Variants in PARD3B observed in about 807,000 individuals in gnomAD.
The protein encoded by PARD3B is partitioning defective 3 homolog B.
A neutral mutation model predicts 130.2 loss-of-function variants in PARD3B; 103 were observed. That is an observed-to-expected ratio of 0.79 (90% CI 0.67 to 0.93). The LOEUF (loss-of-function observed/expected upper bound fraction) is 0.93, where lower values mean the gene tolerates loss of function less well. Ranked by LOEUF, PARD3B falls within the 40% of genes least tolerant of loss-of-function variation. The pLI, the probability that PARD3B is intolerant of heterozygous loss-of-function variation, is 0.00. For missense variants in PARD3B, 1,609 were observed against 1,499.2 expected, an observed-to-expected ratio of 1.07 and a Z score of -1.21; for synonymous variants, 583 against 553.2, an observed-to-expected ratio of 1.05 and a Z score of -0.76.
intron 20 of PARD3B, among the ~76,000 whole-genome samples, chr2:205,487,416 A>C (rs1574544): frequency 6.6e-6 from 1 of 151,906 alleles, no homozygotes; most frequent in Non-Finnish European, 1.5e-5. Flanking sequence ...ACTTTTCACT[A>C]TGCACTATCC....
At chr2:205,206,216 C>CTT (rs201694463) in intron 15 of PARD3B, among the ~76,000 whole-genome samples, 85 of 127,904 alleles carry the variant, frequency 6.6e-4, no homozygotes, top group African/African-American at 2.1e-3. Context: ...TTTTTTTTTT[C>CTT]TTTTTTTTTT....
rs1452992814 is a variant in PARD3B at position 204,545,908 on chromosome 2, C to T, written c.-92C>T. On this transcript the variant is annotated 5_prime_UTR_variant, in exon 1 of 23. Transcript: ENST00000406610. ...GAGCGGCGCCCCGGGTCTCTGGGCC[C>T]ACCCGCCCCGGGCGTCCTCCGAGAG... 7.2e-7 allele frequency: 1 copy of T among 1,383,858 alleles called. No individual in the cohort carries two copies. Among genetic ancestry groups the T allele is most frequent in the Non-Finnish European group, 9.4e-7 (1 of 1,061,724 alleles). 85.7% of individuals were successfully genotyped at this position (1,383,858 alleles called of 1,614,324 possible). A position where few individuals can be genotyped will look rare whatever the true frequency, so the allele number is the denominator to read the frequency against.
At chr2:204,913,938 T>C (rs993813740) in intron 2 of PARD3B, among the ~76,000 whole-genome samples, 2 of 152,240 alleles carry the variant, frequency 1.3e-5, no homozygotes, top group African/African-American at 4.8e-5. Context: ...CTGAAGGCAC[T>C]ACTGGAAAGT....
At chr2:205,151,367 A>T (rs572306448) in intron 10 of PARD3B, among the ~76,000 whole-genome samples, 1 of 152,274 alleles carries the variant, frequency 6.6e-6, no homozygotes, top group African/African-American at 2.4e-5. Flanking sequence ...CAGGGTGTTA[A>T]AGTCTCCCAT....
chr2:205,045,434 G>A (rs1698706270), intron 3 of PARD3B, among the ~76,000 whole-genome samples: 1 of 151,874 alleles, frequency 6.6e-6, no homozygotes, highest in Non-Finnish European at 1.5e-5. Context: ...TTTCAGTAGA[G>A]ACAGGGTTTC....
At chr2:205,385,440 A>G (rs1381140456) in intron 18 of PARD3B, among the ~76,000 whole-genome samples, 1 of 152,170 alleles carries the variant, frequency 6.6e-6, no homozygotes, top group Non-Finnish European at 1.5e-5. Flanking sequence ...CTGTGTCATT[A>G]TTTAGAATGG....
rs574741436 is a variant in PARD3B at position 205,529,341 on chromosome 2, T to A, written c.3181-23983T>A. Reference sequence around the variant, plus strand: ...CCAGATGATCCATCAGGATATTTTTTAAAATGTAATTTGTCGGGTGTGACA... The same window carrying A: ...CCAGATGATCCATCAGGATATTTTTAAAAATGTAATTTGTCGGGTGTGACA... On this transcript the variant is annotated intron_variant, in intron 21 of 22. Coordinates refer to ENST00000406610, the MANE Select transcript of PARD3B (RefSeq NM_001302769.2). Among the ~76,000 whole-genome samples the A allele has an allele frequency of 5.3e-5, 8 of 152,346 alleles. No individual in the cohort carries two copies. In the South Asian group the frequency reaches 1.0e-3, roughly 20 times the overall value.
intron 2 of PARD3B, among the ~76,000 whole-genome samples, chr2:204,946,443 CT>C (rs1351651999): frequency 7.5e-6 from 1 of 134,198 alleles, no homozygotes; most frequent in African/African-American, 2.7e-5. Flanking sequence ...TATATGAAGT[CT>C]TCCCTTTCTT....
chr2:204,861,940 A>G (rs1001061471), intron 2 of PARD3B, among the ~76,000 whole-genome samples: 1 of 150,956 alleles, frequency 6.6e-6, no homozygotes, highest in Non-Finnish European at 1.5e-5. Context: ...AAAAAAAAAA[A>G]AAAAAAAAAA....
chr2:204,554,209 C>T (rs889915980), intron 1 of PARD3B, among the ~76,000 whole-genome samples: 1 of 152,014 alleles, frequency 6.6e-6, no homozygotes, highest in African/African-American at 2.4e-5. Context: ...CTTAAGTCTC[C>T]ACCTGTCTCT....
At chr2:205,040,045 C>A (rs1698284651) in intron 3 of PARD3B, among the ~76,000 whole-genome samples, 1 of 152,152 alleles carries the variant, frequency 6.6e-6, no homozygotes, top group South Asian at 2.1e-4. Context: ...CTCCCTGCAA[C>A]CTCTGCCTCC....
intron 21 of PARD3B, among the ~76,000 whole-genome samples, chr2:205,533,720 GGGTTTTT>G (rs1392813181): frequency 3.3e-5 from 5 of 151,648 alleles, no homozygotes; most frequent in African/African-American, 1.2e-4. Flanking sequence ...ATGGTTTTGG[GGGTTTTT>G]TGTTTGTTTG....
intron 21 of PARD3B, among the ~76,000 whole-genome samples, chr2:205,538,055 A>C (rs1156937756): frequency 6.6e-6 from 1 of 152,086 alleles, no homozygotes; most frequent in Admixed American, 6.6e-5. Flanking sequence ...TATTCTTTTA[A>C]TCATTTATTG....
chr2:205,029,679 C>G (rs1697290207), intron 3 of PARD3B, among the ~76,000 whole-genome samples: 1 of 152,080 alleles, frequency 6.6e-6, no homozygotes, highest in African/African-American at 2.4e-5. Flanking sequence ...TCTTTAGAGC[C>G]CTTTGGGGGT....
chr2:205,282,503 A>ATG (rs1265259518), intron 16 of PARD3B, among the ~76,000 whole-genome samples: 80 of 84,696 alleles, frequency 9.4e-4, no homozygotes, highest in Admixed American at 1.9e-3. Context: ...ATATATATTT[A>ATG]TGTGTATATA....
chr2:205,414,747 G>A (rs765513490), intron 19 of PARD3B, among the ~76,000 whole-genome samples: 34 of 151,972 alleles, frequency 2.2e-4, no homozygotes, highest in Non-Finnish European at 3.7e-4. Flanking sequence ...AGACATAATT[G>A]ATATTTGTTC....
At chr2:204,777,100 C>T (rs1017881896) in intron 2 of PARD3B, among the ~76,000 whole-genome samples, 1 of 152,192 alleles carries the variant, frequency 6.6e-6, no homozygotes, top group Non-Finnish European at 1.5e-5. Flanking sequence ...AGTTCACTTT[C>T]AGATTGGTGA....
rs1575377503 is a variant in PARD3B, at chr2:204,943,115, T to G, written c.223-22037T>G. On this transcript the variant is annotated intron_variant, in intron 2 of 22. Coordinates refer to ENST00000406610, the MANE Select transcript of PARD3B (RefSeq NM_001302769.2). The surrounding 1 kb of genome is among the most constrained non-coding windows in gnomAD (Gnocchi z 4.2). ...ATACACCTCTTTTTAAAATTACCCC[T>G]GACTTAAGAAAGAAGTTTTTCACAT... Among the ~76,000 whole-genome samples, 1 of 146,122 alleles carries G rather than the reference T, an allele frequency of 6.8e-6. No individual in the cohort carries two copies. Among genetic ancestry groups the G allele is most frequent in the African/African-American group, 2.8e-5 (1 of 35,868 alleles).
At chr2:204,774,929 C>G (rs2041553695) in intron 2 of PARD3B, among the ~76,000 whole-genome samples, 1 of 152,088 alleles carries the variant, frequency 6.6e-6, no homozygotes, top group Non-Finnish European at 1.5e-5. Context: ...AGTGCTTTCA[C>G]AGATCAGCAA....
Sources: gnomAD v4.1 joint callset for allele counts (sites outside exome capture counted in the v4.1 genomes callset) on GRCh38, gnomAD v4.1.1 for gene constraint, Gnocchi (gnomAD v3.1) non-coding constraint, MANE v1.5 for transcripts, NCBI Gene and HGNC (gene_info 2026-07-23, HGNC 2026-07-21) for gene names.